Variants in PDE4D observed in about 807,000 individuals in gnomAD.
PDE4D encodes the protein phosphodiesterase 4D, also known as 3',5'-cyclic-AMP phosphodiesterase 4D.
A neutral mutation model predicts 87.4 loss-of-function variants in PDE4D; 24 were observed. That is an observed-to-expected ratio of 0.27 (90% CI 0.20 to 0.39). The LOEUF (loss-of-function observed/expected upper bound fraction) is 0.39, where lower values mean the gene tolerates loss of function less well. Among genes scored for constraint, PDE4D ranks in the 10% least tolerant of loss-of-function variants. The pLI, the probability that PDE4D is intolerant of heterozygous loss-of-function variation, is 1.00. For missense variants in PDE4D, 714 were observed against 1,041.0 expected (o/e 0.69, Z 4.32); for synonymous variants, 384 against 383.2 (o/e 1.00, Z -0.02).
Position 59,008,583 on chromosome 5 carries a change from C to G in PDE4D, c.922-15118G>C, listed in dbSNP as rs1752130559. ...CCTTTATCCTGCACCACACTAACAT[C>G]TACTTGAAATGAATCATAGAACTAA... On this transcript the variant is annotated intron_variant, in intron 6 of 14. Transcript: ENST00000340635. Among the ~76,000 whole-genome samples, 5 of 152,132 alleles carry G rather than the reference C, an allele frequency of 3.3e-5. No homozygotes were observed. The South Asian group carries it at 1.0e-3, about 32-fold the overall frequency.
intron 1 of PDE4D, among the ~76,000 whole-genome samples, chr5:59,348,138 C>T (rs1460704994): frequency 2.6e-5 from 4 of 151,978 alleles, no homozygotes; most frequent in Admixed American, 2.6e-4. Flanking sequence ...GTTGTTAATA[C>T]CCAACAGTTA....
chr5:60,021,309 T>C (rs921960264), intron 2 of PDE4D: 2 of 152,234 alleles, frequency 1.3e-5, no homozygotes, highest in South Asian at 4.1e-4. Context: ...CACAGCTTTA[T>C]ACCTCCTGAG....
At position 59,946,693 on chromosome 5, in the gene PDE4D, A is replaced by AC. The variant is rs1581857616; in HGVS notation, c.272+41794dup. ...CTTATTTTGCAGAATATGTTTTCAG[A>AC]CCCAGGCCTTCACTTGCCCTAAGTT... On this transcript the variant is annotated intron_variant, in intron 3 of 16. Coordinates refer to the PDE4D transcript ENST00000502484. 2.0e-5 allele frequency among the ~76,000 whole-genome samples: 3 copies of AC among 152,338 alleles called. No individual in the cohort carries two copies. In the South Asian group the frequency reaches 6.2e-4, roughly 32 times the overall value.
intron 1 of PDE4D, among the ~76,000 whole-genome samples, chr5:59,532,959 C>G (rs1338904902): frequency 1.3e-5 from 2 of 152,140 alleles, no homozygotes; most frequent in African/African-American, 4.8e-5. Flanking sequence ...TCCAAGCCAC[C>G]CTGCTGCCTA....
intron 1 of PDE4D, among the ~76,000 whole-genome samples, chr5:59,281,386 T>C (rs913281958): frequency 2.6e-5 from 4 of 152,130 alleles, no homozygotes; most frequent in Admixed American, 1.3e-4. Context: ...AAAAATGGCA[T>C]AGGAAGATTG....
At chr5:58,988,885 A>G (rs1281466979) in intron 10 of PDE4D, among the ~76,000 whole-genome samples, 2 of 152,222 alleles carry the variant, frequency 1.3e-5, no homozygotes, top group Non-Finnish European at 2.9e-5. Context: ...ATAATAGTTT[A>G]TTTTCTAAAT....
At chr5:59,929,584 T>C (rs984496315) in intron 3 of PDE4D, among the ~76,000 whole-genome samples, 15 of 152,206 alleles carry the variant, frequency 9.9e-5, no homozygotes, top group African/African-American at 3.1e-4. Context: ...TGGATGTTAT[T>C]TTCTATAATA....
intron 1 of PDE4D, among the ~76,000 whole-genome samples, chr5:60,203,674 A>G (rs1742174817): frequency 6.6e-6 from 1 of 152,234 alleles, no homozygotes; most frequent in Non-Finnish European, 1.5e-5. Flanking sequence ...GTAGCTAAAG[A>G]TCCAAAAAAG....
intron 2 of PDE4D, 110 bp downstream of exon 2, chr5:59,215,667 C>T (rs1316018660): frequency 3.7e-5 from 32 of 866,898 alleles, no homozygotes; most frequent in Non-Finnish European, 3.3e-5. Flanking sequence ...ATTCTTTCTA[C>T]ATTGGAGGAG....
At chr5:60,373,570 C>T (rs1761199718) in intron 1 of PDE4D, among the ~76,000 whole-genome samples, 1 of 152,166 alleles carries the variant, frequency 6.6e-6, no homozygotes, top group South Asian at 2.1e-4. Flanking sequence ...ATTCTTACAG[C>T]TTACAACTGT....
chr5:59,761,248 A>G (rs1761931243), intron 1 of PDE4D, among the ~76,000 whole-genome samples: 1 of 152,160 alleles, frequency 6.6e-6, no homozygotes, highest in Non-Finnish European at 1.5e-5. Context: ...CAGGACTGAA[A>G]GTTGCTCTGG....
intron 1 of PDE4D, among the ~76,000 whole-genome samples, chr5:59,601,876 ACT>A (rs1378877739): frequency 1.3e-5 from 2 of 151,882 alleles, no homozygotes; most frequent in Non-Finnish European, 2.9e-5. Context: ...TTTTCCTCAA[ACT>A]CTTTCAAAAA....
chr5:59,329,514 T>C (rs1487028588), intron 1 of PDE4D, among the ~76,000 whole-genome samples: 1 of 152,196 alleles, frequency 6.6e-6, no homozygotes, highest in Admixed American at 6.5e-5. Flanking sequence ...AAATACATTA[T>C]AAGAGAATAT....
At chr5:59,071,146 C>A (rs1764722796) in intron 5 of PDE4D, among the ~76,000 whole-genome samples, 1 of 152,162 alleles carries the variant, frequency 6.6e-6, no homozygotes, top group Non-Finnish European at 1.5e-5. Context: ...TCACTTCATT[C>A]TTTTCTAGGT....
chr5:59,885,279 T>C (rs1749983059), intron 1 of PDE4D, among the ~76,000 whole-genome samples: 1 of 152,150 alleles, frequency 6.6e-6, no homozygotes. Flanking sequence ...TCTTTTTATT[T>C]TTTCAAAATG....
chr5:59,394,890 G>T (rs1020588568), intron 1 of PDE4D, among the ~76,000 whole-genome samples: 1 of 152,132 alleles, frequency 6.6e-6, no homozygotes, highest in Non-Finnish European at 1.5e-5. Context: ...TGCACAAGCC[G>T]AAGCAGGGCG....
Position 59,522,389 on chromosome 5 carries a change from C to G in PDE4D, c.456-306421G>C, listed in dbSNP as rs536372891. Among the ~76,000 whole-genome samples, 30 of 152,324 alleles carry G rather than the reference C, an allele frequency of 2.0e-4. 1 individual carries two copies. The South Asian group carries it at 6.2e-3, about 32-fold the overall frequency. ...CTCCAACAAACCCAAGACTTAGAGA[C>G]AGTTGCTAGCTGCACACAAACAGTG... On this transcript the variant is annotated intron_variant, in intron 1 of 14. Transcript: ENST00000340635.
chr5:60,216,458 T>C (rs1461694243), intron 1 of PDE4D, among the ~76,000 whole-genome samples: 2 of 152,138 alleles, frequency 1.3e-5, no homozygotes, highest in Non-Finnish European at 2.9e-5. Flanking sequence ...TTACATACTT[T>C]AAATGTAAAT....
intron 1 of PDE4D, among the ~76,000 whole-genome samples, chr5:59,792,367 A>C (rs1581131145): frequency 6.6e-6 from 1 of 150,688 alleles, no homozygotes; most frequent in East Asian, 1.9e-4. Flanking sequence ...CCGGGCACTT[A>C]AAATACTAGC....
Sources: gnomAD v4.1 joint callset for allele counts (sites outside exome capture counted in the v4.1 genomes callset) on GRCh38, gnomAD v4.1.1 for gene constraint, MANE v1.5 for transcripts, NCBI Gene and HGNC (gene_info 2026-07-23, HGNC 2026-07-21) for gene names.